The following DCDC2C variants were observed in gnomAD, a reference collection of about 807,000 sequenced individuals.
DCDC2C encodes the protein doublecortin domain-containing protein 2C.
In DCDC2C, 44 loss-of-function variants were observed where a neutral mutation model predicts 45.0. That is an observed-to-expected ratio of 0.98 (90% CI 0.77 to 1.26). DCDC2C has a LOEUF of 1.26. Among genes scored for constraint, DCDC2C ranks in the 50% most tolerant of loss-of-function variants. The pLI is 0.00. For synonymous variants in DCDC2C, 187 were observed against 178.8 expected (o/e 1.05, Z -0.37); for missense variants, 447 against 468.9 (o/e 0.95, Z 0.43).
intron 6 of DCDC2C, among the ~76,000 whole-genome samples, chr2:3,762,682 C>A (rs916331694): frequency 2.0e-5 from 3 of 152,124 alleles, no homozygotes; most frequent in Admixed American, 6.5e-5. Context: ...CAGAGGTCCA[C>A]CCCCATGACC....
chr2:3,769,452 A>C, intron 8 of DCDC2C, 41 bp downstream of exon 8: 2 of 1,515,752 alleles, frequency 1.3e-6, no homozygotes, highest in Non-Finnish European at 1.8e-6. Context: ...TCTTCACTCC[A>C]TTCCATCAGC....
chr2:3,758,266 C>T (rs1392991900), intron 6 of DCDC2C, among the ~76,000 whole-genome samples: 1 of 152,162 alleles, frequency 6.6e-6, no homozygotes, highest in African/African-American at 2.4e-5. Flanking sequence ...ACGTCGACAG[C>T]GTCTCAGGAC....
At chr2:3,731,569 G>A (rs1411518515) in intron 3 of DCDC2C, among the ~76,000 whole-genome samples, 1 of 152,182 alleles carries the variant, frequency 6.6e-6, no homozygotes, top group Admixed American at 6.5e-5. Context: ...CACTGATTGC[G>A]CCTTTTAGTC....
intron 10 of DCDC2C, among the ~76,000 whole-genome samples, chr2:3,839,184 T>G (rs1473287420): frequency 6.6e-6 from 1 of 152,122 alleles, no homozygotes; most frequent in African/African-American, 2.4e-5. Flanking sequence ...GTAAGGTCTT[T>G]GCTGATTTAT....
intron 8 of DCDC2C, among the ~76,000 whole-genome samples, chr2:3,777,626 T>C (rs567607808): frequency 5.3e-4 from 80 of 152,364 alleles, no homozygotes; most frequent in African/African-American, 1.9e-3. Context: ...TAGAGTTTTA[T>C]TCATTGCGAC....
intron 10 of DCDC2C, among the ~76,000 whole-genome samples, chr2:3,803,947 C>G (rs1671172607): frequency 6.6e-6 from 1 of 152,236 alleles, no homozygotes. Context: ...TGTTTGAAAC[C>G]TGTATTGTCC....
Position 3,708,595 on chromosome 2 carries a change from A to G in DCDC2C, c.334A>G (p.Lys112Glu), listed in dbSNP as rs1668129050. The change falls in exon 2 of 11, where the codon AAG (lysine) becomes GAG (glutamate). Residue 112 changes from lysine (K) to glutamate (E), a missense_variant. Lys to Glu is a moderately conservative substitution (Grantham distance 56, BLOSUM62 1). Coordinates refer to ENST00000399143, the MANE Select transcript of DCDC2C (RefSeq NM_001287444.2). ...AAAACCTGCAAAGATAAGGAAGTTG[A>G]AGGAAGTAAGTGTTTGCTTCTAACA... is the stretch of plus-strand genomic sequence containing the variant. ...PRKPAKIRKL[K>E]EIKPVVHCDI... 1.3e-6 allele frequency: 2 copies of G among 1,548,820 alleles called. No homozygotes were observed. Among genetic ancestry groups the G allele is most frequent in the Middle Eastern group, 1.7e-4 (1 of 5,954 alleles).
intron 3 of DCDC2C, among the ~76,000 whole-genome samples, chr2:3,740,628 T>C (rs1424131498): frequency 2.6e-5 from 4 of 152,178 alleles, no homozygotes; most frequent in African/African-American, 9.7e-5. Context: ...CAAATCTTTA[T>C]TGTAATTGTA....
At chr2:3,731,032 T>C (rs1668852639) in intron 3 of DCDC2C, among the ~76,000 whole-genome samples, 1 of 152,224 alleles carries the variant, frequency 6.6e-6, no homozygotes, top group Non-Finnish European at 1.5e-5. Flanking sequence ...TAGTCCATTT[T>C]GTGGAGTCAT....
Position 3,713,206 on chromosome 2 carries a change from C to T in DCDC2C, c.339+4606C>T, listed in dbSNP as rs151067568. Among the ~76,000 whole-genome samples, 612 of 152,242 alleles carry T rather than the reference C, an allele frequency of 4.0e-3. 3 individuals are homozygous for T. The highest frequency in any genetic ancestry group is 0.014 in the African/African-American group (564 of 41,542). ...GAATTTCTTCCATTTAATTCAAAGA[C>T]GTCATCGTAGGAATTTTTTCTGATA... On this transcript the variant is annotated intron_variant, in intron 2 of 10. Transcript: ENST00000399143.
At chr2:3,760,329 G>A (rs936856878) in intron 6 of DCDC2C, among the ~76,000 whole-genome samples, 2 of 152,152 alleles carry the variant, frequency 1.3e-5, no homozygotes, top group Admixed American at 6.5e-5. Context: ...CCATTACTGG[G>A]TATATACCCA....
intron 2 of DCDC2C, among the ~76,000 whole-genome samples, chr2:3,724,200 G>C (rs79193450): frequency 1.4e-4 from 22 of 152,188 alleles, no homozygotes; most frequent in African/African-American, 5.3e-4. Flanking sequence ...ACGGTAAGAC[G>C]TAGAGCTGGG....
chr2:3,762,448 T>C (rs568342133), intron 6 of DCDC2C, among the ~76,000 whole-genome samples: 24 of 152,196 alleles, frequency 1.6e-4, no homozygotes, highest in Non-Finnish European at 2.6e-4. Flanking sequence ...AGAAAAGAGA[T>C]TTAATTGGCT....
intron 10 of DCDC2C, among the ~76,000 whole-genome samples, chr2:3,832,398 C>T (rs1671974250): frequency 6.6e-6 from 1 of 152,230 alleles, no homozygotes; most frequent in Non-Finnish European, 1.5e-5. Flanking sequence ...GTCTCCTTTG[C>T]ACTTTCTCTT....
At chr2:3,836,992 T>C (rs1672096450) in intron 10 of DCDC2C, among the ~76,000 whole-genome samples, 1 of 152,204 alleles carries the variant, frequency 6.6e-6, no homozygotes, top group African/African-American at 2.4e-5. Context: ...AACTCCTTTT[T>C]CCCCAAGTGG....
intron 8 of DCDC2C, among the ~76,000 whole-genome samples, chr2:3,778,295 C>T (rs1670407121): frequency 1.3e-5 from 2 of 152,218 alleles, no homozygotes; most frequent in South Asian, 4.1e-4. Flanking sequence ...GAAGTTGGTC[C>T]TGGAGAGTCT....
intron 10 of DCDC2C, among the ~76,000 whole-genome samples, chr2:3,787,315 G>A (rs1296474243): frequency 6.6e-6 from 1 of 152,200 alleles, no homozygotes; most frequent in East Asian, 1.9e-4. Flanking sequence ...TCATTTCTCT[G>A]AGCCTCGGTT....
At chr2:3,713,316 G>A (rs574651014) in intron 2 of DCDC2C, among the ~76,000 whole-genome samples, 2 of 152,336 alleles carry the variant, frequency 1.3e-5, no homozygotes, top group Admixed American at 6.5e-5. Flanking sequence ...GAGTGAAGGT[G>A]CAAAGCAGCT....
chr2:3,779,381 G>T (rs1173059811), intron 9 of DCDC2C, among the ~76,000 whole-genome samples: 1 of 152,226 alleles, frequency 6.6e-6, no homozygotes, highest in African/African-American at 2.4e-5. Context: ...GGCAGTGTGG[G>T]TTCTTGCTCG....
Sources: allele counts gnomAD v4.1 joint callset (sites outside exome capture counted in the v4.1 genomes callset), GRCh38; gene constraint gnomAD v4.1.1; transcripts MANE v1.5; gene names NCBI Gene and HGNC (gene_info 2026-07-23, HGNC 2026-07-21).